Variants in ANGPT1 observed in about 807,000 individuals in gnomAD.
ANGPT1 encodes angiopoietin-1.
ANGPT1 carries 17 observed loss-of-function variants against 62.2 expected under a neutral mutation model. The ratio of observed to expected loss-of-function variants is 0.27; its 90% CI spans 0.19 to 0.41. The LOEUF (loss-of-function observed/expected upper bound fraction) is 0.41. Among genes scored for constraint, ANGPT1 ranks in the 10% least tolerant of loss-of-function variants. The pLI is 1.00. For missense variants in ANGPT1, 478 were observed against 594.9 expected, an observed-to-expected ratio of 0.80 and a Z score of 2.04; for synonymous variants, 199 against 198.9, an observed-to-expected ratio of 1.00 and a Z score of 0.00.
At chr8:107,390,788 G>C (rs1816819433) in intron 1 of ANGPT1, among the ~76,000 whole-genome samples, 1 of 152,134 alleles carries the variant, frequency 6.6e-6, no homozygotes, top group Admixed American at 6.6e-5. Context: ...TTTTCAGAGA[G>C]AGGAACTGAG....
chr8:107,405,427 G>T (rs1436998647), intron 1 of ANGPT1, among the ~76,000 whole-genome samples: 1 of 151,840 alleles, frequency 6.6e-6, no homozygotes, highest in African/African-American at 2.4e-5. Context: ...GAAAATTTTT[G>T]AGTGCTGATA....
chr8:107,347,961 G>C (rs758111843), intron 1 of ANGPT1, among the ~76,000 whole-genome samples: 1 of 152,130 alleles, frequency 6.6e-6, no homozygotes, highest in African/African-American at 2.4e-5. Context: ...GGAAAATAAA[G>C]CTGAACATAT....
intron 1 of ANGPT1, among the ~76,000 whole-genome samples, chr8:107,412,649 G>C (rs1160595653): frequency 6.6e-6 from 1 of 152,160 alleles, no homozygotes; most frequent in Non-Finnish European, 1.5e-5. Context: ...CTAGGTGATA[G>C]AGTCATGGTG....
intron 3 of ANGPT1, among the ~76,000 whole-genome samples, chr8:107,327,739 C>T (rs1356748484): frequency 6.6e-6 from 1 of 152,070 alleles, no homozygotes; most frequent in African/African-American, 2.4e-5. Context: ...TTTCTGGAAA[C>T]ACTTTGAGAA....
chr8:107,420,485 GTTAA>G lies in ANGPT1; in HGVS notation c.298-73392_298-73389del, dbSNP rs569235184. On this transcript the variant is annotated intron_variant, in intron 1 of 8. Transcript: ENST00000517746. Reference sequence around the variant, plus strand: ...TGTGTATCGAAGGCAAACATTATAGGTTAATTGTTAGTTGTCTCTCCTCTATTTA... The same window carrying G: ...TGTGTATCGAAGGCAAACATTATAGGTTGTTAGTTGTCTCTCCTCTATTTA... 2.4e-4 allele frequency among the ~76,000 whole-genome samples: 37 copies of G among 152,248 alleles called. No homozygotes were observed. The South Asian group carries it at 7.3e-3, about 30-fold the overall frequency.
At chr8:107,458,988 C>T (rs144335619) in intron 1 of ANGPT1, among the ~76,000 whole-genome samples, 104 of 152,216 alleles carry the variant, frequency 6.8e-4, no homozygotes, top group Middle Eastern at 6.8e-3. Flanking sequence ...AAAGTCAATG[C>T]TTGTGACGCC....
In ANGPT1 at chr8:107,428,894, A is replaced by G. The variant is rs115481490; in HGVS notation, c.297+68368T>C. On this transcript the variant is annotated intron_variant, in intron 1 of 8. Transcript: ENST00000517746. ...GTCTTCTCTTAAACCCTCAGGTAAA[A>G]TGAAAGAAAAGTGATTCATTCAATA... 1.5e-3 allele frequency among the ~76,000 whole-genome samples: 235 copies of G among 152,324 alleles called. 1 individual carries two copies. The highest frequency in any genetic ancestry group is 5.5e-3 in the African/African-American group (230 of 41,558).
At chr8:107,347,896 G>A (rs753763371) in intron 1 of ANGPT1, among the ~76,000 whole-genome samples, 2 of 152,126 alleles carry the variant, frequency 1.3e-5, no homozygotes, top group African/African-American at 4.8e-5. Flanking sequence ...TGGTGCCATA[G>A]GGACCATGGA....
intron 1 of ANGPT1, among the ~76,000 whole-genome samples, chr8:107,380,234 G>C (rs1672210): frequency 0.46 from 69,435 of 151,770 alleles, 17,087 homozygotes; most frequent in Admixed American, 0.56. Flanking sequence ...CATTACCTGT[G>C]TGGTAATGGA....
At chr8:107,363,081 T>C (rs1816199885) in intron 1 of ANGPT1, among the ~76,000 whole-genome samples, 1 of 135,648 alleles carries the variant, frequency 7.4e-6, no homozygotes, top group Non-Finnish European at 1.6e-5. Flanking sequence ...GCAGGGAACC[T>C]GAGTGCTTTT....
chr8:107,303,449 T>C (rs936531383), intron 4 of ANGPT1, 82 bp from the exon 5 acceptor site: 2 of 1,182,858 alleles, frequency 1.7e-6, no homozygotes, highest in Non-Finnish European at 2.4e-6. Flanking sequence ...TAGCTAAGCA[T>C]GTCTTCATTT....
At chr8:107,423,856 T>C (rs1356223694) in intron 1 of ANGPT1, among the ~76,000 whole-genome samples, 7 of 77,592 alleles carry the variant, frequency 9.0e-5, no homozygotes, top group South Asian at 4.2e-4. Flanking sequence ...TTTTTTTTTT[T>C]CTGAGACAGA....
At chr8:107,330,227 T>G (rs948517249) in intron 3 of ANGPT1, among the ~76,000 whole-genome samples, 2 of 152,170 alleles carry the variant, frequency 1.3e-5, no homozygotes, top group African/African-American at 4.8e-5. Context: ...TCAATCTTCA[T>G]CTTAACTTCA....
At chr8:107,320,174 T>C (rs1382203991) in intron 4 of ANGPT1, among the ~76,000 whole-genome samples, 1 of 152,196 alleles carries the variant, frequency 6.6e-6, no homozygotes, top group African/African-American at 2.4e-5. Context: ...TCAAAAATGT[T>C]TCTTAAATTG....
At chr8:107,458,476 A>G (rs1447949146) in intron 1 of ANGPT1, among the ~76,000 whole-genome samples, 5 of 152,226 alleles carry the variant, frequency 3.3e-5, no homozygotes, top group Non-Finnish European at 5.9e-5. Flanking sequence ...ATACTAAAGT[A>G]TAAAATATTT....
chr8:107,427,462 CTCT>C (rs1283333896), intron 1 of ANGPT1, among the ~76,000 whole-genome samples: 1 of 152,170 alleles, frequency 6.6e-6, no homozygotes, highest in African/African-American at 2.4e-5. Flanking sequence ...GTTGAGGTCC[CTCT>C]TCCTCCCTGT....
intron 1 of ANGPT1, among the ~76,000 whole-genome samples, chr8:107,379,077 G>A (rs1816586472): frequency 6.6e-6 from 1 of 151,884 alleles, no homozygotes; most frequent in African/African-American, 2.4e-5. Context: ...AAAATATTCA[G>A]AGCAATGGAT....
intron 1 of ANGPT1, among the ~76,000 whole-genome samples, chr8:107,384,004 A>G (rs1347590371): frequency 1.3e-5 from 2 of 152,164 alleles, no homozygotes; most frequent in Admixed American, 1.3e-4. Context: ...AAAAATAAGC[A>G]ATCTTCCATT....
At chr8:107,310,989 G>C (rs1050044659) in intron 4 of ANGPT1, among the ~76,000 whole-genome samples, 1 of 150,396 alleles carries the variant, frequency 6.6e-6, no homozygotes, top group Non-Finnish European at 1.5e-5. Flanking sequence ...GTGAGTGTGT[G>C]TGTATGTGTG....
Sources: gnomAD v4.1 joint callset for allele counts (sites outside exome capture counted in the v4.1 genomes callset) on GRCh38, gnomAD v4.1.1 for gene constraint, MANE v1.5 for transcripts, NCBI Gene and HGNC (gene_info 2026-07-23, HGNC 2026-07-21) for gene names.